Variants in FAM171A1 observed in about 807,000 individuals in gnomAD.
FAM171A1 encodes protein FAM171A1.
FAM171A1 carries 23 observed loss-of-function variants against 74.9 expected under a neutral mutation model. The ratio of observed to expected loss-of-function variants is 0.31; its 90% CI spans 0.22 to 0.44. The LOEUF (loss-of-function observed/expected upper bound fraction) is 0.44. Among genes scored for constraint, FAM171A1 ranks in the 20% least tolerant of loss-of-function variants. The pLI is 1.00. For synonymous variants in FAM171A1, 527 were observed against 505.7 expected, an observed-to-expected ratio of 1.04 and a Z score of -0.57; for missense variants, 1,162 against 1,159.2, an observed-to-expected ratio of 1.00 and a Z score of -0.03.
At chr10:15,230,265 G>C (rs554662766) in intron 5 of FAM171A1, among the ~76,000 whole-genome samples, 40 of 152,292 alleles carry the variant, frequency 2.6e-4, no homozygotes, top group Middle Eastern at 3.4e-3. Context: ...ACGGCTTTGA[G>C]TAGCTAGGTT....
chr10:15,263,720 A>AATCTATCTATCTATCTATCTATCT (rs199543212), intron 3 of FAM171A1, among the ~76,000 whole-genome samples: 2 of 140,562 alleles, frequency 1.4e-5, no homozygotes, highest in Non-Finnish European at 3.1e-5. Flanking sequence ...CTATCCTATC[A>AATCTATCTATCTATCTATCTATCT]ATCTATCTAT....
intron 3 of FAM171A1, among the ~76,000 whole-genome samples, chr10:15,264,671 C>T (rs1834714988): frequency 6.6e-6 from 1 of 151,570 alleles, no homozygotes; most frequent in Non-Finnish European, 1.5e-5. Context: ...TAGTCCCAGC[C>T]ACTTGGGAGG....
intron 6 of FAM171A1, among the ~76,000 whole-genome samples, chr10:15,216,694 A>G (rs1833971224): frequency 6.6e-6 from 1 of 152,086 alleles, no homozygotes. Context: ...CGGCCTACCA[A>G]AGTGCTGGGA....
At chr10:15,288,066 C>A (rs1272539592) in intron 1 of FAM171A1, among the ~76,000 whole-genome samples, 1 of 152,194 alleles carries the variant, frequency 6.6e-6, no homozygotes, top group South Asian at 2.1e-4. Context: ...GTCTCCAATT[C>A]CTTCCAGGTT....
intron 7 of FAM171A1, among the ~76,000 whole-genome samples, chr10:15,215,231 A>T (rs1353213664): frequency 1.3e-5 from 2 of 152,116 alleles, no homozygotes; most frequent in Non-Finnish European, 2.9e-5. Flanking sequence ...TAAAAATAAA[A>T]TTTTTCCTCT....
intron 1 of FAM171A1, among the ~76,000 whole-genome samples, chr10:15,361,682 CA>C (rs78191567): frequency 6.7e-6 from 1 of 150,322 alleles, no homozygotes; most frequent in Admixed American, 6.6e-5. Context: ...GACTCTGTCT[CA>C]AAAAAAAATC....
chr10:15,227,442 G>A (rs1177365929), intron 5 of FAM171A1, among the ~76,000 whole-genome samples: 2 of 152,180 alleles, frequency 1.3e-5, no homozygotes, highest in African/African-American at 4.8e-5. Context: ...GAGGGCAGTG[G>A]TGCAATCATG....
intron 2 of FAM171A1, among the ~76,000 whole-genome samples, chr10:15,282,706 TTTTAA>T (rs1834984968): frequency 6.6e-6 from 1 of 152,142 alleles, no homozygotes; most frequent in African/African-American, 2.4e-5. Flanking sequence ...GCTTCCTTTA[TTTTAA>T]TTTATTTTAT....
chr10:15,265,026 G>A (rs1834720252), intron 3 of FAM171A1, among the ~76,000 whole-genome samples: 1 of 152,052 alleles, frequency 6.6e-6, no homozygotes, highest in African/African-American at 2.4e-5. Context: ...AGCTCAGGAA[G>A]CAGGGCACAT....
Position 15,344,921 on chromosome 10 carries a change from G to T in FAM171A1, c.97+26035C>A, listed in dbSNP as rs369859511. Among the ~76,000 whole-genome samples, 47 of 152,324 alleles carry T rather than the reference G, an allele frequency of 3.1e-4. No homozygotes were observed. The South Asian group carries it at 9.5e-3, about 31-fold the overall frequency. On this transcript the variant is annotated intron_variant, in intron 1 of 7. Transcript: ENST00000378116. ...ATATTCGTCTCACAGTTACTTTTCA[G>T]AGCGGAGTTCTTCAGCCCTGAACAA...
intron 3 of FAM171A1, 53 bp from the exon 4 acceptor site, chr10:15,254,932 G>C: frequency 1.3e-6 from 2 of 1,572,218 alleles, no homozygotes; most frequent in Non-Finnish European, 8.7e-7. Context: ...TCTGTTTTTA[G>C]AAAATGCAAA....
chr10:15,224,438 A>G (rs1451593894), intron 5 of FAM171A1, among the ~76,000 whole-genome samples: 3 of 152,104 alleles, frequency 2.0e-5, no homozygotes, highest in African/African-American at 7.2e-5. Context: ...ACGGAGGCAC[A>G]CATGGTTGGA....
intron 1 of FAM171A1, among the ~76,000 whole-genome samples, chr10:15,329,862 C>G (rs193139683): frequency 4.6e-5 from 7 of 152,130 alleles, no homozygotes; most frequent in African/African-American, 1.7e-4. Flanking sequence ...GTCTCAGGCC[C>G]GCACACTACC....
At chr10:15,247,340 T>C (rs1834447547) in intron 5 of FAM171A1, among the ~76,000 whole-genome samples, 2 of 152,166 alleles carry the variant, frequency 1.3e-5, no homozygotes, top group Admixed American at 1.3e-4. Context: ...CATAGCGACA[T>C]CACTCACTGT....
At chr10:15,273,983 G>A (rs1254737352) in intron 3 of FAM171A1, among the ~76,000 whole-genome samples, 1 of 152,208 alleles carries the variant, frequency 6.6e-6, no homozygotes, top group Non-Finnish European at 1.5e-5. Flanking sequence ...ATAAGACAGG[G>A]ATGCCCTCTC....
In FAM171A1 at chr10:15,229,726, T is replaced by A. The variant is rs573974114; in HGVS notation, c.755-8666A>T. On this transcript the variant is annotated intron_variant, in intron 5 of 7. Coordinates refer to ENST00000378116, the MANE Select transcript of FAM171A1 (RefSeq NM_001010924.2). ...ATCATCATCATCACCACCATCACCA[T>A]CATCACCATCACCCCCATCACCATC... Among the ~76,000 whole-genome samples, 196 of 53,336 alleles carry A rather than the reference T, an allele frequency of 3.7e-3. 6 individuals are homozygous for A. Among genetic ancestry groups the A allele is most frequent in the Non-Finnish European group, 5.1e-3 (112 of 22,106 alleles). The allele number at this position is 53,336 out of a possible 152,430, so 35.0% of individuals were successfully genotyped here.
intron 3 of FAM171A1, 103 bp downstream of exon 3, chr10:15,275,752 C>A (rs1277739471): frequency 2.9e-6 from 2 of 686,358 alleles, no homozygotes; most frequent in Non-Finnish European, 2.3e-6. Flanking sequence ...TTTAATCAAT[C>A]CACCTTGTAT....
At position 15,215,382 on chromosome 10, in the gene FAM171A1, T is replaced by C. The variant is rs555771799; in HGVS notation, c.986+614A>G. On this transcript the variant is annotated intron_variant, in intron 7 of 7. Transcript: ENST00000378116. ...ATCTAAATAAGAATAATTTTTTTTT[T>C]TGAGATGGAGTCTTGCTCTGTTGCC... 1.9e-4 allele frequency among the ~76,000 whole-genome samples: 29 copies of C among 152,240 alleles called. No individual in the cohort carries two copies. In the South Asian group the frequency reaches 5.8e-3, roughly 31 times the overall value.
chr10:15,290,164 G>T (rs1835086513), intron 1 of FAM171A1, among the ~76,000 whole-genome samples: 1 of 151,756 alleles, frequency 6.6e-6, no homozygotes, highest in Non-Finnish European at 1.5e-5. Flanking sequence ...GGAGGCAGAG[G>T]TTGCAGTGAA....
Sources: gnomAD v4.1 joint callset for allele counts (sites outside exome capture counted in the v4.1 genomes callset) on GRCh38, gnomAD v4.1.1 for gene constraint, MANE v1.5 for transcripts, NCBI Gene and HGNC (gene_info 2026-07-23, HGNC 2026-07-21) for gene names.